The following IQGAP2 variants were observed in gnomAD, a reference collection of about 807,000 sequenced individuals.
The protein encoded by IQGAP2 is IQ motif containing GTPase activating protein 2, also known as ras GTPase-activating-like protein IQGAP2.
A neutral mutation model predicts 201.3 loss-of-function variants in IQGAP2; 173 were observed. The observed-to-expected ratio is 0.86, with a 90% CI of 0.76 to 0.98. IQGAP2 has a LOEUF of 0.98. Ranked by LOEUF, IQGAP2 falls within the 50% of genes least tolerant of loss-of-function variation. The probability of loss-of-function intolerance (pLI) is 0.00; values close to 1 mark genes in which losing one functional copy is unlikely to be tolerated. For missense variants in IQGAP2, 1,687 were observed against 1,864.8 expected (o/e 0.90, Z 1.76); for synonymous variants, 675 against 673.9 (o/e 1.00, Z -0.03).
chr5:76,692,404 G>A (rs950144552), intron 30 of IQGAP2, among the ~76,000 whole-genome samples: 12 of 152,286 alleles, frequency 7.9e-5, no homozygotes, highest in South Asian at 2.1e-4. Context: ...CGCCCACCTC[G>A]GCCTCCCAAC....
In IQGAP2 at chr5:76,451,934, G is replaced by T. The variant is rs566720912; in HGVS notation, c.47-9636G>T. Among the ~76,000 whole-genome samples, 5 of 152,292 alleles carry T rather than the reference G, an allele frequency of 3.3e-5. No individual in the cohort carries two copies. The South Asian group carries it at 8.3e-4, about 25-fold the overall frequency. On this transcript the variant is annotated intron_variant, in intron 1 of 35. Transcript: ENST00000274364. ...TGCCTGTAATCCCAGCTACTTGGGA[G>T]GCTGAGGCATGAGAATGGCTTGAAC...
At chr5:76,650,076 G>C (rs1169283595) in intron 17 of IQGAP2, among the ~76,000 whole-genome samples, 1 of 152,204 alleles carries the variant, frequency 6.6e-6, no homozygotes, top group Non-Finnish European at 1.5e-5. Flanking sequence ...CAAGGCCCTG[G>C]GCCCACAAAA....
At chr5:76,410,989 C>T (rs976122143) in intron 1 of IQGAP2, among the ~76,000 whole-genome samples, 1 of 152,142 alleles carries the variant, frequency 6.6e-6, no homozygotes, top group African/African-American at 2.4e-5. Context: ...TTAGTATATG[C>T]AGTGGTTTTC....
chr5:76,637,248 C>A (rs1157267240), intron 16 of IQGAP2, 72 bp downstream of exon 16: 11 of 1,245,882 alleles, frequency 8.8e-6, no homozygotes, highest in Non-Finnish European at 1.1e-5. Flanking sequence ...ATTTCTGAAT[C>A]ATGGAAGTGA....
intron 1 of IQGAP2, among the ~76,000 whole-genome samples, chr5:76,442,268 A>G (rs1258128766): frequency 6.6e-6 from 1 of 152,212 alleles, no homozygotes; most frequent in African/African-American, 2.4e-5. Flanking sequence ...CTATCTTTCC[A>G]ATTAAAATGA....
At chr5:76,536,725 A>G (rs1759643701) in intron 2 of IQGAP2, among the ~76,000 whole-genome samples, 1 of 150,408 alleles carries the variant, frequency 6.6e-6, no homozygotes, top group African/African-American at 2.4e-5. Context: ...GTGCCATTGC[A>G]CTCCAGCTTG....
rs558836476 is a variant in IQGAP2, at chr5:76,446,782, G to A, written c.47-14788G>A. ...ATTAGAATGATCCTACCCTCCAAGT[G>A]TATTGTAAAACTTTTATGAACAGAC... On this transcript the variant is annotated intron_variant, in intron 1 of 35. Transcript: ENST00000274364. Among the ~76,000 whole-genome samples the A allele has an allele frequency of 3.5e-4, 53 of 152,296 alleles. No homozygotes were observed. In the South Asian group the frequency reaches 0.01, roughly 29 times the overall value.
intron 16 of IQGAP2, among the ~76,000 whole-genome samples, chr5:76,639,369 C>T (rs958953414): frequency 1.3e-5 from 2 of 152,140 alleles, no homozygotes; most frequent in African/African-American, 4.8e-5. Context: ...GTGGTTATAT[C>T]ATGTGCCCAT....
intron 13 of IQGAP2, 54 bp from the exon 14 acceptor site, chr5:76,627,356 C>A (rs1750335918): frequency 8.7e-7 from 1 of 1,148,630 alleles, no homozygotes; most frequent in Non-Finnish European, 1.3e-6. Context: ...GTTATTAATT[C>A]TGTTTCCTCA....
At chr5:76,563,793 C>T (rs932329790) in intron 3 of IQGAP2, among the ~76,000 whole-genome samples, 4 of 152,074 alleles carry the variant, frequency 2.6e-5, no homozygotes, top group African/African-American at 9.7e-5. Flanking sequence ...ATTTCTCTTA[C>T]AGCTGTAGGG....
chr5:76,530,242 C>A (rs567745163), intron 2 of IQGAP2, among the ~76,000 whole-genome samples: 1 of 152,226 alleles, frequency 6.6e-6, no homozygotes, highest in Admixed American at 6.5e-5. Flanking sequence ...TAAAAACTTT[C>A]CAGCCATTAA....
intron 1 of IQGAP2, among the ~76,000 whole-genome samples, chr5:76,457,801 C>T (rs1260519789): frequency 6.6e-6 from 1 of 152,188 alleles, no homozygotes; most frequent in Admixed American, 6.5e-5. Flanking sequence ...TCATTCTGCT[C>T]CTTGAATCTG....
At position 76,641,653 on chromosome 5, in the gene IQGAP2, T is replaced by G. The variant is rs185078181; in HGVS notation, c.2094+550T>G. Among the ~76,000 whole-genome samples the G allele has an allele frequency of 1.6e-4, 25 of 152,330 alleles. No homozygotes were observed. The East Asian group carries it at 4.2e-3, about 26-fold the overall frequency. On this transcript the variant is annotated intron_variant, in intron 17 of 35. Coordinates refer to ENST00000274364, the MANE Select transcript of IQGAP2 (RefSeq NM_006633.5). ...GTTTGCATGACTTGTCTAAACTTTC[T>G]GATTGGCAGGAGAATTTGCCAGGTT...
chr5:76,535,646 TA>T (rs1317719257), intron 2 of IQGAP2, among the ~76,000 whole-genome samples: 3 of 152,138 alleles, frequency 2.0e-5, no homozygotes, highest in Non-Finnish European at 2.9e-5. Flanking sequence ...GCCTGTTCCA[TA>T]AAAAGGCTGA....
chr5:76,555,136 G>C (rs1743848302), intron 2 of IQGAP2, among the ~76,000 whole-genome samples: 1 of 152,134 alleles, frequency 6.6e-6, no homozygotes, highest in Non-Finnish European at 1.5e-5. Context: ...TGTGTTAGGG[G>C]CTTGGGGGTA....
chr5:76,489,125 C>T (rs767803714), intron 2 of IQGAP2, among the ~76,000 whole-genome samples: 2 of 152,174 alleles, frequency 1.3e-5, no homozygotes, highest in African/African-American at 2.4e-5. Flanking sequence ...TCTCTCCCTC[C>T]GTGCCTCGCA....
chr5:76,679,737 A>G (rs1195774354), intron 28 of IQGAP2, among the ~76,000 whole-genome samples: 1 of 152,134 alleles, frequency 6.6e-6, no homozygotes, highest in African/African-American at 2.4e-5. Flanking sequence ...TCCCTCCAAA[A>G]CATCATATGT....
chr5:76,589,671 T>C lies in IQGAP2; in HGVS notation c.583T>C (p.Ser195Pro). ...TGAGAAATATGGAATACAGATGCCA[T>C]CTTTCAGCAAAATAGGTGGTATTCT... ...ELEKYGIQMPSFSKIGGILAN... is the reference protein window; with the variant it reads ...ELEKYGIQMPPFSKIGGILAN... The change falls in exon 7 of 36, where the codon TCT (serine) becomes CCT (proline). Residue 195 changes from serine to proline, a missense_variant. Physicochemically the swap from Ser to Pro is moderately conservative, Grantham distance 74 (BLOSUM62 -1). Coordinates refer to ENST00000274364, the MANE Select transcript of IQGAP2 (RefSeq NM_006633.5). 1 of 1,610,056 alleles carries C rather than the reference T, an allele frequency of 6.2e-7. No individual in the cohort carries two copies. The highest frequency in any genetic ancestry group is 1.3e-5 in the African/African-American group (1 of 74,974).
At chr5:76,491,278 A>G (rs554226991) in intron 2 of IQGAP2, among the ~76,000 whole-genome samples, 2 of 152,230 alleles carry the variant, frequency 1.3e-5, no homozygotes, top group African/African-American at 2.4e-5. Context: ...AAAAAGTCTT[A>G]GTAGATGGAA....
Sources: gnomAD v4.1 joint callset for allele counts (sites outside exome capture counted in the v4.1 genomes callset) on GRCh38, gnomAD v4.1.1 for gene constraint, MANE v1.5 for transcripts, NCBI Gene and HGNC (gene_info 2026-07-23, HGNC 2026-07-21) for gene names.